Variants in NLRP8 observed in about 807,000 individuals in gnomAD.
NLRP8 encodes NLR family pyrin domain containing 8.
NLRP8 carries 86 observed loss-of-function variants against 88.7 expected under a neutral mutation model. The observed-to-expected ratio is 0.97, with a 90% CI of 0.81 to 1.16. The LOEUF (loss-of-function observed/expected upper bound fraction) is 1.16, where lower values mean the gene tolerates loss of function less well. Ranked by LOEUF, NLRP8 falls within the 50% of genes most tolerant of loss-of-function variation. The pLI is 0.00. For synonymous variants in NLRP8, 504 were observed against 494.6 expected, an observed-to-expected ratio of 1.02 and a Z score of -0.25; for missense variants, 1,342 against 1,286.5, an observed-to-expected ratio of 1.04 and a Z score of -0.66.
Position 55,953,452 on chromosome 19 carries a change from G to C in NLRP8, c.442+840G>C, listed in dbSNP as rs149023966. Among the ~76,000 whole-genome samples, 1,412 of 152,092 alleles carry C rather than the reference G, an allele frequency of 9.3e-3. 17 individuals carry two copies. The highest frequency in any genetic ancestry group is 0.018 in the South Asian group (87 of 4,816). Reference sequence around the variant, plus strand: ...CATGGAAAACTTGTCTTCCACTTGGGGACCACTTCAATAGAGTGTGTCTCT... The same window carrying C: ...CATGGAAAACTTGTCTTCCACTTGGCGACCACTTCAATAGAGTGTGTCTCT... On this transcript the variant is annotated intron_variant, in intron 2 of 9. Coordinates refer to ENST00000291971, the MANE Select transcript of NLRP8 (RefSeq NM_176811.2).
In NLRP8 at chr19:55,977,536, A is replaced by AAT. The variant is rs554700945; in HGVS notation, c.2876+1240_2876+1241dup. ...ATTATATATTTATATATAATATTAA[A>AAT]ATATATATTAATTATATTAATATAT... is the stretch of plus-strand genomic sequence containing the variant. On this transcript the variant is annotated intron_variant, in intron 8 of 9. Transcript: ENST00000291971. 7.4e-3 allele frequency among the ~76,000 whole-genome samples: 1,080 copies of AAT among 145,838 alleles called. 5 individuals carry two copies. Among genetic ancestry groups the AAT allele is most frequent in the Middle Eastern group, 0.026 (7 of 274 alleles).
At chr19:55,965,808 C>T (rs1979811649) in intron 4 of NLRP8, among the ~76,000 whole-genome samples, 1 of 146,210 alleles carries the variant, frequency 6.8e-6, no homozygotes, top group African/African-American at 2.6e-5. Flanking sequence ...CTCCCCTAGC[C>T]CCCCACCCCC....
intron 2 of NLRP8, among the ~76,000 whole-genome samples, chr19:55,953,770 G>A (rs1376197379): frequency 6.7e-6 from 1 of 148,518 alleles, no homozygotes; most frequent in Non-Finnish European, 1.5e-5. Context: ...TGGGATTACA[G>A]GCGTAAGCCA....
chr19:55,956,005 G>A lies in NLRP8; in HGVS notation c.1947G>A (p.Leu649=), dbSNP rs1979340596. The stretch of plus-strand genomic sequence containing the variant: ...AAGTTCAAGTGTCTGCTTTTTGCCT[G>A]AAGCGGTGTCAATATTTGCATGAGG... The change falls in exon 3 of 10, where the codon CTG becomes CTA. Residue 649 remains leucine, a synonymous_variant. Transcript: ENST00000291971. 1 of 1,614,018 alleles carries A rather than the reference G, an allele frequency of 6.2e-7. No homozygotes were observed. The highest frequency in any genetic ancestry group is 1.3e-5 in the African/African-American group (1 of 74,902).
intron 3 of NLRP8, 78 bp from the exon 4 acceptor site, chr19:55,961,989 A>G: frequency 6.8e-7 from 1 of 1,478,464 alleles, no homozygotes; most frequent in Non-Finnish European, 9.2e-7. Flanking sequence ...AGGATAGGGA[A>G]CACCAGCCCT....
chr19:55,977,339 A>C (rs1207349603), intron 8 of NLRP8, among the ~76,000 whole-genome samples: 2 of 145,388 alleles, frequency 1.4e-5, no homozygotes, highest in South Asian at 2.1e-4. Context: ...TATATTATAC[A>C]TATAAGCAAT....
intron 7 of NLRP8, 89 bp from the exon 8 acceptor site, chr19:55,976,044 T>A: frequency 7.8e-7 from 1 of 1,282,064 alleles, no homozygotes; most frequent in Non-Finnish European, 1.0e-6. Flanking sequence ...AACAAAGAAG[T>A]AAAACCTAAG....
chr19:55,955,876 C>A lies in NLRP8; in HGVS notation c.1818C>A (p.Val606=), dbSNP rs775236569. 4 of 1,613,996 alleles carry A rather than the reference C, an allele frequency of 2.5e-6. No individual in the cohort carries two copies. Among genetic ancestry groups the A allele is most frequent in the Non-Finnish European group, 2.5e-6 (3 of 1,180,012 alleles). The stretch of plus-strand genomic sequence containing the variant: ...ACCCACCTTCTCCGGGCAGTGGGGT[C>A]CCGCAGTTATTCTACTGTCTGCATG... Residue 606 remains valine (V), a synonymous_variant, in exon 3 of 10, where the codon GTC becomes GTA. Coordinates refer to ENST00000291971, the MANE Select transcript of NLRP8 (RefSeq NM_176811.2).
intron 1 of NLRP8, among the ~76,000 whole-genome samples, chr19:55,951,268 A>T (rs1008183833): frequency 1.3e-5 from 2 of 152,174 alleles, no homozygotes; most frequent in Non-Finnish European, 2.9e-5. Flanking sequence ...AATCAACAAT[A>T]TGTACTAAAT....
intron 1 of NLRP8, among the ~76,000 whole-genome samples, 185 bp from the exon 2 acceptor site, chr19:55,952,353 C>A (rs1979132697): frequency 6.6e-6 from 1 of 152,154 alleles, no homozygotes; most frequent in Non-Finnish European, 1.5e-5. Flanking sequence ...TTTCTCATTT[C>A]CTAAAATTGC....
At position 55,978,234 on chromosome 19, in the gene NLRP8, G is replaced by A. The variant is rs546228722; in HGVS notation, c.2877-1160G>A. Among the ~76,000 whole-genome samples the A allele has an allele frequency of 5.9e-4, 89 of 152,020 alleles. 1 individual carries two copies. In the South Asian group the frequency reaches 0.017, roughly 30 times the overall value. Reference sequence around the variant, plus strand: ...TTTTATTATACTTTAAGTTTTAGAGGGGGGAGGGATAGCATTTGGAGATAT... The same window carrying A: ...TTTTATTATACTTTAAGTTTTAGAGAGGGGAGGGATAGCATTTGGAGATAT... On this transcript the variant is annotated intron_variant, in intron 8 of 9. Transcript: ENST00000291971.
At chr19:55,956,202 C>G (rs191457221) in intron 3 of NLRP8, 102 bp downstream of exon 3, 1 of 1,184,124 alleles carries the variant, frequency 8.4e-7, no homozygotes, top group East Asian at 2.4e-5. Flanking sequence ...TTTCTGATCT[C>G]TTTCCTAGCC....
At chr19:55,948,571 G>A (rs572262557) in intron 1 of NLRP8, among the ~76,000 whole-genome samples, 1 of 152,212 alleles carries the variant, frequency 6.6e-6, no homozygotes, top group Non-Finnish European at 1.5e-5. Flanking sequence ...GAGTAGCTGG[G>A]ATTACAGGCA....
chr19:55,955,503 C>T lies in NLRP8; in HGVS notation c.1445C>T (p.Thr482Met), dbSNP rs750103129. 24 of 1,614,070 alleles carry T rather than the reference C, an allele frequency of 1.5e-5. No homozygotes were observed. The highest frequency in any genetic ancestry group is 1.3e-4 in the East Asian group (6 of 44,896). The change falls in exon 3 of 10, where the codon ACG (threonine) becomes ATG (methionine). Residue 482 changes from threonine (T) to methionine (M), a missense_variant. By Grantham distance (81) the Thr-to-Met change is moderately conservative. Transcript: ENST00000291971. ...CTTGAGGAAGCCAAGCTGGATCAGA[C>T]GGGAGTCACCGCCTTCCTTGGCATG...
chr19:55,966,188 C>T, intron 4 of NLRP8, 25 bp from the exon 5 acceptor site: 1 of 1,610,246 alleles, frequency 6.2e-7, no homozygotes, highest in Non-Finnish European at 8.5e-7. Flanking sequence ...GACCCTATTC[C>T]AAGGAGACGC....
chr19:55,984,670 A>C (rs1469613392), intron 9 of NLRP8, among the ~76,000 whole-genome samples: 1 of 139,062 alleles, frequency 7.2e-6, no homozygotes, highest in Non-Finnish European at 1.5e-5. Flanking sequence ...AAAAAAAAAA[A>C]AAAACAACAG....
In NLRP8 at chr19:55,955,703, A is replaced by G; in HGVS notation, c.1645A>G (p.Lys549Glu). 6.2e-7 allele frequency: 1 copy of G among 1,614,044 alleles called. No homozygotes were observed. Among genetic ancestry groups the G allele is most frequent in the Non-Finnish European group, 8.5e-7 (1 of 1,179,898 alleles). ...CCTGATAGCGAGTCCCAGAGGAAGCAAAAGCTATCTCTCTCACATGGGACT... is the reference window on the plus strand; with the variant it reads ...CCTGATAGCGAGTCCCAGAGGAAGCGAAAGCTATCTCTCTCACATGGGACT... Residue 549 changes from lysine to glutamate, a missense_variant, in exon 3 of 10, where the codon AAA becomes GAA. Coordinates refer to ENST00000291971, the MANE Select transcript of NLRP8 (RefSeq NM_176811.2).
At chr19:55,974,131 A>G (rs992233991) in intron 7 of NLRP8, among the ~76,000 whole-genome samples, 4 of 149,868 alleles carry the variant, frequency 2.7e-5, no homozygotes, top group Admixed American at 2.0e-4. Flanking sequence ...AAGAACGACT[A>G]CCTCGAGGTG....
chr19:55,964,271 G>A (rs1389240563), intron 4 of NLRP8, among the ~76,000 whole-genome samples: 1 of 152,304 alleles, frequency 6.6e-6, no homozygotes, highest in East Asian at 1.9e-4. Context: ...GAATTTCATG[G>A]GATTAATTCT....
Sources: allele counts gnomAD v4.1 joint callset (sites outside exome capture counted in the v4.1 genomes callset), GRCh38; gene constraint gnomAD v4.1.1; transcripts MANE v1.5; gene names NCBI Gene and HGNC (gene_info 2026-07-23, HGNC 2026-07-21).